The following ASTE1 variants were observed in gnomAD, a reference collection of about 807,000 sequenced individuals.
The protein encoded by ASTE1 is single-strand DNA endonuclease ASTE1.
Under a neutral mutation model 45.8 loss-of-function variants are expected in ASTE1, and 49 were observed. The observed-to-expected ratio is 1.07, with a 90% CI of 0.85 to 1.36. The LOEUF is 1.36. Among genes scored for constraint, ASTE1 ranks in the 40% most tolerant of loss-of-function variants. The pLI is 0.00. For missense variants in ASTE1, 709 were observed against 804.0 expected (o/e 0.88, Z 1.43); for synonymous variants, 296 against 303.9 (o/e 0.97, Z 0.27).
intron 5 of ASTE1, 29 bp downstream of exon 5, chr3:131,016,115 T>C (rs993922415): frequency 6.8e-6 from 11 of 1,611,192 alleles, no homozygotes; most frequent in Middle Eastern, 1.6e-4. Flanking sequence ...TGTGCTTCCA[T>C]CTGAACTAAA....
Position 131,016,160 on chromosome 3 carries a change from C to G in ASTE1, c.1693G>C (p.Glu565Gln). The G allele has an allele frequency of 2.5e-6, 4 of 1,613,782 alleles. No individual in the cohort carries two copies. Among genetic ancestry groups the G allele is most frequent in the Non-Finnish European group, 3.4e-6 (4 of 1,180,000 alleles). Residue 565 changes from glutamate (E) to glutamine (Q), a missense_variant, in exon 5 of 6, where the codon GAG (glutamate) becomes CAG (glutamine). Transcript: ENST00000264992. ...GGTGCTTACCGAGTTAGGTCTGGCT[C>G]TGGGAGAGGAGTGGACAGCAGCTGG... ...LNQLLSTPLP[E>Q]PDLTRLYSGS... is the part of the protein sequence containing the mutation.
In ASTE1 at chr3:131,016,227, GA is replaced by G; in HGVS notation, c.1625del (p.Phe542SerfsTer27). On this transcript the variant is annotated frameshift_variant, in exon 5 of 6. Transcript: ENST00000264992. LOFTEE classifies it high-confidence loss of function. ...TCTGGAGACAGGACTGCCACTGACA[GA>G]AGATGTGAGCTGTGTCTAAGTCCAG... ...TRLDLDTAHI[F>X]CQWQSCLQMG... 2 of 1,614,168 alleles carry G rather than the reference GA, an allele frequency of 1.2e-6. No individual in the cohort carries two copies. Among genetic ancestry groups the G allele is most frequent in the Non-Finnish European group, 1.7e-6 (2 of 1,180,022 alleles).
At chr3:131,019,084 T>C (rs998838149) in intron 3 of ASTE1, among the ~76,000 whole-genome samples, 1 of 152,202 alleles carries the variant, frequency 6.6e-6, no homozygotes, top group Non-Finnish European at 1.5e-5. Context: ...CCAGGAGGAA[T>C]ATACATTTTA....
chr3:131,017,427 T>G (rs2063667468), intron 4 of ASTE1, among the ~76,000 whole-genome samples: 1 of 152,218 alleles, frequency 6.6e-6, no homozygotes, highest in Non-Finnish European at 1.5e-5. Flanking sequence ...ACCTGACACT[T>G]GAAGTGTGGC....
Position 131,024,753 on chromosome 3 carries a change from G to T in ASTE1, c.554C>A (p.Thr185Asn). Residue 185 changes from threonine to asparagine, a missense_variant, in exon 3 of 6, where the codon ACT becomes AAT. By Grantham distance (65) the Thr-to-Asn change is moderately conservative. Coordinates refer to ENST00000264992, the MANE Select transcript of ASTE1 (RefSeq NM_014065.4). ...LNSFQWRNMN[T>N]IKGTQNYIPA... ...GATATAGTTTTGTGTGCCCTTAATA[G>T]TGTTCATATTTCTCCACTGAAAGCT... 6.2e-7 allele frequency: 1 copy of T among 1,613,652 alleles called. No individual in the cohort carries two copies. Among genetic ancestry groups the T allele is most frequent in the Non-Finnish European group, 8.5e-7 (1 of 1,179,746 alleles).
At chr3:131,016,539 C>T (rs2063640607) in intron 4 of ASTE1, 200 bp from the exon 5 acceptor site, 2 of 635,398 alleles carry the variant, frequency 3.1e-6, no homozygotes, top group Non-Finnish European at 5.3e-6. Flanking sequence ...GATGACCTAA[C>T]TTTATTCAAC....
rs776195966 is a variant in ASTE1, at chr3:131,014,227, C to T, written c.1870G>A (p.Gly624Ser). The T allele has an allele frequency of 5.6e-5, 91 of 1,613,128 alleles. No individual in the cohort carries two copies. The Middle Eastern group carries it at 9.9e-4, about 17-fold the overall frequency. Residue 624 changes from glycine (G) to serine (S), a missense_variant, in exon 6 of 6, where the codon GGT (glycine) becomes AGT (serine). Coordinates refer to ENST00000264992, the MANE Select transcript of ASTE1 (RefSeq NM_014065.4). ...CTTTTTTTTTTTGAATTTGATCTAC[C>T]TTTTGGTAGGAATATTTCAGCGGGG... is the stretch of plus-strand genomic sequence containing the variant. ...YAPAEIFLPK[G>S]RSNSKKKRQK...
rs1392928663 is a variant in ASTE1, at chr3:131,016,973, A to G, written c.1514-634T>C. On this transcript the variant is annotated intron_variant, in intron 4 of 5. Transcript: ENST00000264992. ...TAACATCTGGACCAATTTGAAAATA[A>G]TAAAAAGGAGGCCCACCTTTTACCA... 3 of 1,287,934 alleles carry G rather than the reference A, an allele frequency of 2.3e-6. No homozygotes were observed. The African/African-American group carries it at 4.6e-5, about 20-fold the overall frequency. 79.8% of individuals were successfully genotyped at this position (1,287,934 alleles called of 1,614,324 possible).
At chr3:131,017,851 T>C (rs2063677770) in intron 4 of ASTE1, among the ~76,000 whole-genome samples, 1 of 150,596 alleles carries the variant, frequency 6.6e-6, no homozygotes, top group African/African-American at 2.4e-5. Flanking sequence ...GCACCTGTAA[T>C]CCCAGCTACT....
At position 131,016,349 on chromosome 3, in the gene ASTE1, G is replaced by C; in HGVS notation, c.1514-10C>G. 1.2e-6 allele frequency: 2 copies of C among 1,613,964 alleles called. No individual in the cohort carries two copies. Among genetic ancestry groups the C allele is most frequent in the Non-Finnish European group, 1.7e-6 (2 of 1,179,962 alleles). The stretch of plus-strand genomic sequence containing the variant: ...TGCAGCTCTTCCTTACCTAAATAAA[G>C]AAACAGCCCAAGGGCAGTATTTCTA... On this transcript the variant is annotated splice_polypyrimidine_tract_variant and intron_variant, in intron 4 of 5. Transcript: ENST00000264992.
intron 3 of ASTE1, among the ~76,000 whole-genome samples, chr3:131,021,247 CATATA>C (rs1282728487): frequency 6.6e-6 from 1 of 152,018 alleles, no homozygotes; most frequent in African/African-American, 2.4e-5. Flanking sequence ...ACAGAAACTT[CATATA>C]ATAGAGTATC....
At position 131,025,799 on chromosome 3, in the gene ASTE1, T is replaced by C. The variant is rs146081268; in HGVS notation, c.-146-205A>G. On this transcript the variant is annotated intron_variant, in intron 1 of 5. Transcript: ENST00000264992. The stretch of plus-strand genomic sequence containing the variant: ...TTGGGCTTCAGTAAAGTAAGGTGTG[T>C]AGGACCTATGATAAGGATCAAGTTT... 4.7e-3 allele frequency among the ~76,000 whole-genome samples: 722 copies of C among 152,256 alleles called. 5 individuals carry two copies. The highest frequency in any genetic ancestry group is 0.016 in the African/African-American group (657 of 41,578).
chr3:131,014,280 TA>T lies in ASTE1; in HGVS notation c.1816del (p.Tyr606IlefsTer59). The stretch of plus-strand genomic sequence containing the variant: ...ATATGACCTTGTGGCATTGAATAGA[TA>T]TTCATAAAGTTGCTTAGCCTCAGGA... ...ICPEAKQLYE[Y>X]LFNATRSYAP... On this transcript the variant is annotated frameshift_variant, in exon 6 of 6. Transcript: ENST00000264992. LOFTEE classifies it low-confidence loss of function (END_TRUNC). 1 of 1,614,092 alleles carries T rather than the reference TA, an allele frequency of 6.2e-7. No homozygotes were observed. Among genetic ancestry groups the T allele is most frequent in the Non-Finnish European group, 8.5e-7 (1 of 1,179,998 alleles).
At chr3:131,017,027 CCTGGG>C (rs767400571) in intron 4 of ASTE1, 5 of 1,289,396 alleles carry the variant, frequency 3.9e-6, no homozygotes, top group Non-Finnish European at 5.1e-6. Context: ...ACTGAGCCTG[CCTGGG>C]TACAGGGTCC....
intron 3 of ASTE1, among the ~76,000 whole-genome samples, chr3:131,021,317 A>G (rs1454852695): frequency 6.6e-6 from 1 of 152,224 alleles, no homozygotes; most frequent in Non-Finnish European, 1.5e-5. Flanking sequence ...AAATGCTCAT[A>G]AGCTGTGTAA....
intron 3 of ASTE1, among the ~76,000 whole-genome samples, chr3:131,018,958 ATCC>A (rs750579018): frequency 6.6e-6 from 1 of 152,154 alleles, no homozygotes; most frequent in African/African-American, 2.4e-5. Context: ...ATGTCATTCC[ATCC>A]TCTTTGTATA....
chr3:131,016,756 GTT>G, intron 4 of ASTE1: 1 of 336,020 alleles, frequency 3.0e-6, no homozygotes, highest in East Asian at 8.0e-5. Flanking sequence ...CAACCTGTGT[GTT>G]CAAAACACAT....
At chr3:131,021,364 A>G (rs1486863550) in intron 3 of ASTE1, among the ~76,000 whole-genome samples, 1 of 152,244 alleles carries the variant, frequency 6.6e-6, no homozygotes, top group African/African-American at 2.4e-5. Context: ...ATGGTAATAT[A>G]CCAAAATAGA....
chr3:131,014,226 C>T lies in ASTE1; in HGVS notation c.1871G>A (p.Gly624Asp). 1.2e-6 allele frequency: 2 copies of T among 1,613,084 alleles called. No homozygotes were observed. The highest frequency in any genetic ancestry group is 2.2e-5 in the South Asian group (2 of 90,992). Residue 624 changes from glycine to aspartate, a missense_variant, in exon 6 of 6, where the codon GGT becomes GAT. By Grantham distance (94) the Gly-to-Asp change is moderately conservative. Transcript: ENST00000264992. ...CCTTTTTTTTTTTGAATTTGATCTA[C>T]CTTTTGGTAGGAATATTTCAGCGGG... ...YAPAEIFLPK[G>D]RSNSKKKRQK...
Sources: gnomAD v4.1 joint callset for allele counts (sites outside exome capture counted in the v4.1 genomes callset) on GRCh38, gnomAD v4.1.1 for gene constraint, MANE v1.5 for transcripts, NCBI Gene and HGNC (gene_info 2026-07-23, HGNC 2026-07-21) for gene names.